Variants in AIFM1 observed in about 807,000 individuals in gnomAD.
The protein encoded by AIFM1 is apoptosis-inducing factor 1, mitochondrial.
In AIFM1, 3 loss-of-function variants were observed where a neutral mutation model predicts 51.7. The observed-to-expected ratio is 0.06, with a 90% confidence interval of 0.03 to 0.15. The LOEUF (loss-of-function observed/expected upper bound fraction) is 0.15. AIFM1 is among the 10% of genes least tolerant of loss of function. The pLI, the probability that AIFM1 is intolerant of heterozygous loss-of-function variation, is 1.00. For missense variants in AIFM1, 330 were observed against 476.8 expected, an observed-to-expected ratio of 0.69 and a Z score of 2.87; for synonymous variants, 178 against 179.4, an observed-to-expected ratio of 0.99 and a Z score of 0.06.
At chrX:130,153,806 C>T (rs1390245148) in intron 2 of AIFM1, among the ~76,000 whole-genome samples, 1 of 111,840 alleles carries the variant, frequency 8.9e-6, no homozygotes, top group Non-Finnish European at 1.9e-5. Flanking sequence ...AAACTGAACC[C>T]TGTGTGACCT....
At chrX:130,145,048 C>T (rs73225599) in intron 6 of AIFM1, among the ~76,000 whole-genome samples, 3,819 of 112,296 alleles carry the variant, frequency 0.034, 66 homozygotes, top group Non-Finnish European at 0.055. Flanking sequence ...TCCTGGGACT[C>T]CACAAATACC....
chrX:130,153,676 G>A (rs2031074129), intron 2 of AIFM1, among the ~76,000 whole-genome samples: 1 of 110,474 alleles, frequency 9.1e-6, no homozygotes, highest in Admixed American at 9.7e-5. Flanking sequence ...ACAGGAAGGG[G>A]AAGACACCGG....
rs764586261 is a variant in AIFM1 at position 130,156,481 on chromosome X, T to C, written c.229A>G (p.Thr77Ala). The C allele has an allele frequency of 8.3e-7, 1 of 1,211,879 alleles. No individual in the cohort carries two copies. The highest frequency in any genetic ancestry group is 3.0e-5 in the East Asian group (1 of 33,876). The change falls in exon 2 of 16, where the codon ACA (threonine) becomes GCA (alanine). Residue 77 changes from threonine to alanine, a missense_variant. Coordinates refer to ENST00000287295, the MANE Select transcript of AIFM1 (RefSeq NM_004208.4). ...CTTACATAGGCACCAGCTCCTACTGTTGATAAGCCCACAATAAGGACTAAC... is the reference window on the plus strand; with the variant it reads ...CTTACATAGGCACCAGCTCCTACTGCTGATAAGCCCACAATAAGGACTAAC... ...SVLVLIVGLS[T>A]VGAGAYAYKT...
At chrX:130,162,569 T>G (rs1447157329) in intron 1 of AIFM1, among the ~76,000 whole-genome samples, 1 of 112,188 alleles carries the variant, frequency 8.9e-6, no homozygotes, top group African/African-American at 3.2e-5. Context: ...GCCAAAGAAT[T>G]TCTTCTGCAA....
intron 8 of AIFM1, among the ~76,000 whole-genome samples, chrX:130,139,271 G>A (rs1315919249): frequency 3.6e-5 from 4 of 109,779 alleles, no homozygotes; most frequent in Non-Finnish European, 5.7e-5. Flanking sequence ...GGCGGAGGTT[G>A]CAGTGAGCCA....
chrX:130,155,356 T>C (rs1311824673), intron 2 of AIFM1: 3 of 1,152,930 alleles, frequency 2.6e-6, no homozygotes, highest in Non-Finnish European at 3.5e-6. Context: ...GAAGAAACAT[T>C]CAATACAAAG....
Position 130,133,467 on chromosome X carries a change from A to G in AIFM1, c.1306-12T>C. On this transcript the variant is annotated splice_polypyrimidine_tract_variant and intron_variant, in intron 12 of 15. Transcript: ENST00000287295. The stretch of plus-strand genomic sequence containing the variant: ...GCAGCATCTCCTGCCTGTGGAAACA[A>G]ATACATAACATGAACACATGATAAA... The G allele has an allele frequency of 8.3e-7, 1 of 1,210,563 alleles. No homozygotes were observed. The highest frequency in any genetic ancestry group is 2.3e-4 in the Middle Eastern group (1 of 4,353).
At chrX:130,162,633 C>A (rs2031389081) in intron 1 of AIFM1, among the ~76,000 whole-genome samples, 2 of 112,118 alleles carry the variant, frequency 1.8e-5, no homozygotes, top group Admixed American at 1.9e-4. Flanking sequence ...GGCTTCAAAA[C>A]GAAGTCACAT....
At chrX:130,153,644 A>G (rs926296454) in intron 2 of AIFM1, among the ~76,000 whole-genome samples, 1 of 110,917 alleles carries the variant, frequency 9.0e-6, no homozygotes. Context: ...TGGGGCCCTA[A>G]TCAGATAGAG....
intron 2 of AIFM1, among the ~76,000 whole-genome samples, chrX:130,151,388 C>G (rs2124668975): frequency 9.0e-6 from 1 of 111,185 alleles, no homozygotes; most frequent in African/African-American, 3.3e-5. Flanking sequence ...ATCCACCCAC[C>G]TTGGCCTCCC....
chrX:130,137,565 T>G, intron 9 of AIFM1: 1 of 1,159,933 alleles, frequency 8.6e-7, no homozygotes, highest in Non-Finnish European at 1.2e-6. Flanking sequence ...CCATGAAACA[T>G]TCCAACTGGA....
intron 7 of AIFM1, 108 bp from the exon 8 acceptor site, chrX:130,139,979 G>A (rs1358728458): frequency 2.9e-5 from 19 of 659,366 alleles, no homozygotes; most frequent in Non-Finnish European, 4.2e-5. Context: ...GCACCATGGC[G>A]GCAACAACAG....
intron 13 of AIFM1, among the ~76,000 whole-genome samples, chrX:130,132,397 G>A (rs1175245252): frequency 2.7e-5 from 3 of 112,579 alleles, no homozygotes; most frequent in African/African-American, 9.7e-5. Context: ...CATTTGGAAA[G>A]TGATGAGGTT....
chrX:130,132,236 T>C (rs2124646792), intron 13 of AIFM1, among the ~76,000 whole-genome samples: 1 of 112,386 alleles, frequency 8.9e-6, no homozygotes, highest in African/African-American at 3.2e-5. Context: ...CCAACTGATC[T>C]GCTGTTGCTA....
chrX:130,142,788 G>A, intron 6 of AIFM1, among the ~76,000 whole-genome samples: 1 of 111,027 alleles, frequency 9.0e-6, no homozygotes. Flanking sequence ...TGGGATTACA[G>A]GTGTGCGCCA....
chrX:130,162,210 G>C (rs2031375056), intron 1 of AIFM1, among the ~76,000 whole-genome samples: 1 of 111,853 alleles, frequency 8.9e-6, no homozygotes, highest in African/African-American at 3.3e-5. Context: ...CTACTATTCT[G>C]AATATGAGAA....
At chrX:130,158,120 C>T (rs746662504) in intron 1 of AIFM1, among the ~76,000 whole-genome samples, 27 of 108,135 alleles carry the variant, frequency 2.5e-4, no homozygotes, top group Non-Finnish European at 4.0e-4. Context: ...AAAAATTAGC[C>T]GGGCGTGGTG....
At chrX:130,135,076 A>G (rs1242121630) in intron 12 of AIFM1, among the ~76,000 whole-genome samples, 2 of 107,502 alleles carry the variant, frequency 1.9e-5, no homozygotes, top group Non-Finnish European at 3.8e-5. Context: ...CATTGACCAC[A>G]TATTACTTTT....
At chrX:130,144,113 A>G (rs186066268) in intron 6 of AIFM1, among the ~76,000 whole-genome samples, 1 of 112,415 alleles carries the variant, frequency 8.9e-6, no homozygotes, top group Admixed American at 9.4e-5. Flanking sequence ...TAAAGCATTT[A>G]AGAACTGTGC....
Sources: gnomAD v4.1 joint callset for allele counts (sites outside exome capture counted in the v4.1 genomes callset) on GRCh38, gnomAD v4.1.1 for gene constraint, MANE v1.5 for transcripts, NCBI Gene and HGNC (gene_info 2026-07-23, HGNC 2026-07-21) for gene names.